The following NRXN1 variants were observed in gnomAD, a reference collection of about 807,000 sequenced individuals.
NRXN1 encodes neurexin-1.
A neutral mutation model predicts 150.9 loss-of-function variants in NRXN1; 39 were observed. That is an observed-to-expected ratio of 0.26 (90% CI 0.20 to 0.34). The LOEUF (loss-of-function observed/expected upper bound fraction) is 0.34. Among genes scored for constraint, NRXN1 ranks in the 10% least tolerant of loss-of-function variants. The pLI is 1.00. For synonymous variants in NRXN1, 924 were observed against 757.0 expected, an observed-to-expected ratio of 1.22 and a Z score of -3.62; for missense variants, 1,815 against 1,949.9, an observed-to-expected ratio of 0.93 and a Z score of 1.30.
chr2:49,967,696 C>T (rs1018387162), intron 21 of NRXN1, among the ~76,000 whole-genome samples: 1 of 152,006 alleles, frequency 6.6e-6, no homozygotes, highest in Non-Finnish European at 1.5e-5. Context: ...AGGCTGGAGT[C>T]AGTATTTATT....
chr2:50,524,794 T>C (rs1336110477), intron 12 of NRXN1, among the ~76,000 whole-genome samples: 1 of 152,066 alleles, frequency 6.6e-6, no homozygotes, highest in Non-Finnish European at 1.5e-5. Flanking sequence ...ATTTTTAAGG[T>C]TACCAGAAGA....
intron 5 of NRXN1, among the ~76,000 whole-genome samples, chr2:50,846,566 A>T (rs760848482): frequency 6.6e-6 from 1 of 152,206 alleles, no homozygotes; most frequent in Non-Finnish European, 1.5e-5. Flanking sequence ...CAATAAATAG[A>T]TCTTACACCA....
intron 2 of NRXN1, among the ~76,000 whole-genome samples, chr2:50,962,612 T>A (rs541691519): frequency 6.6e-6 from 1 of 151,676 alleles, no homozygotes; most frequent in Non-Finnish European, 1.5e-5. Flanking sequence ...TGGGATCTCA[T>A]TGTCTTATGT....
chr2:51,003,826 A>C (rs1399599002), intron 2 of NRXN1, among the ~76,000 whole-genome samples: 1 of 152,018 alleles, frequency 6.6e-6, no homozygotes, highest in Non-Finnish European at 1.5e-5. Context: ...TACAGAAATG[A>C]ATCACCACTA....
intron 18 of NRXN1, among the ~76,000 whole-genome samples, chr2:50,107,285 A>G (rs1359586579): frequency 6.7e-6 from 1 of 149,908 alleles, no homozygotes; most frequent in Non-Finnish European, 1.5e-5. Flanking sequence ...GACCCTTTTC[A>G]TGCTCTTGCT....
At chr2:50,992,639 C>G (rs1339721863) in intron 2 of NRXN1, among the ~76,000 whole-genome samples, 1 of 151,936 alleles carries the variant, frequency 6.6e-6, no homozygotes, top group African/African-American at 2.4e-5. Context: ...AATCAGGAAG[C>G]TGGTTTAATG....
intron 17 of NRXN1, among the ~76,000 whole-genome samples, chr2:50,385,173 T>C (rs1317691293): frequency 6.6e-6 from 1 of 152,188 alleles, no homozygotes; most frequent in Admixed American, 6.6e-5. Flanking sequence ...CCCCCAACTT[T>C]CCCATTTTAA....
intron 17 of NRXN1, among the ~76,000 whole-genome samples, chr2:50,237,360 G>A (rs1405492540): frequency 6.6e-6 from 1 of 152,016 alleles, no homozygotes. Context: ...ACTTGGTATT[G>A]AAATAGGAGC....
chr2:50,447,577 G>A, intron 17 of NRXN1, among the ~76,000 whole-genome samples: 1 of 139,188 alleles, frequency 7.2e-6, no homozygotes, highest in African/African-American at 2.7e-5. Flanking sequence ...TATTTCAAAA[G>A]ATAGCTCTGT....
At chr2:50,442,932 T>C (rs766151528) in intron 17 of NRXN1, among the ~76,000 whole-genome samples, 2 of 152,164 alleles carry the variant, frequency 1.3e-5, no homozygotes, top group Non-Finnish European at 2.9e-5. Flanking sequence ...TGAAAAATAT[T>C]TAATGAATTT....
chr2:50,908,034 G>A (rs1002480064), intron 5 of NRXN1, among the ~76,000 whole-genome samples: 2 of 152,050 alleles, frequency 1.3e-5, no homozygotes, highest in Admixed American at 6.6e-5. Flanking sequence ...TTTAACTATT[G>A]ATGAGACTTC....
At chr2:50,273,397 G>C (rs1243463744) in intron 17 of NRXN1, among the ~76,000 whole-genome samples, 2 of 152,038 alleles carry the variant, frequency 1.3e-5, no homozygotes, top group Non-Finnish European at 2.9e-5. Context: ...TCTTTTATTT[G>C]TCTATGTCTT....
intron 17 of NRXN1, among the ~76,000 whole-genome samples, chr2:50,368,893 C>A (rs912658297): frequency 6.6e-6 from 1 of 151,918 alleles, no homozygotes; most frequent in Non-Finnish European, 1.5e-5. Flanking sequence ...TTTTCCCCTG[C>A]CTAAGATCTT....
chr2:49,925,003 A>ATG (rs201682540), intron 22 of NRXN1, among the ~76,000 whole-genome samples: 3,011 of 152,258 alleles, frequency 0.02, 105 homozygotes, highest in African/African-American at 0.066. Context: ...AGAAATATTT[A>ATG]TGTGTTGGTC....
intron 21 of NRXN1, among the ~76,000 whole-genome samples, chr2:50,038,637 TC>T (rs1323122882): frequency 6.6e-6 from 1 of 152,170 alleles, no homozygotes; most frequent in Admixed American, 6.5e-5. Flanking sequence ...ATAACATGTT[TC>T]TTATTCATAG....
At chr2:50,563,826 G>A (rs1490618307) in intron 8 of NRXN1, among the ~76,000 whole-genome samples, 1 of 152,110 alleles carries the variant, frequency 6.6e-6, no homozygotes, top group East Asian at 1.9e-4. Context: ...TATCCAGTTG[G>A]TGGATTATCC....
intron 5 of NRXN1, among the ~76,000 whole-genome samples, chr2:50,889,737 C>A (rs1680779759): frequency 6.6e-6 from 1 of 151,530 alleles, no homozygotes; most frequent in South Asian, 2.1e-4. Flanking sequence ...GAATATCACA[C>A]TTTTAGTAAA....
chr2:49,942,979 T>C (rs1363795796), intron 22 of NRXN1, among the ~76,000 whole-genome samples: 1 of 152,196 alleles, frequency 6.6e-6, no homozygotes, highest in African/African-American at 2.4e-5. Flanking sequence ...CTAATGGAAA[T>C]GAGCCTAACA....
At chr2:50,666,824 T>C (rs1172584447) in intron 5 of NRXN1, among the ~76,000 whole-genome samples, 1 of 149,242 alleles carries the variant, frequency 6.7e-6, no homozygotes, top group African/African-American at 2.5e-5. Flanking sequence ...AGTTCCAAGT[T>C]CCAGAGCATA....
Sources: allele counts gnomAD v4.1 joint callset (sites outside exome capture counted in the v4.1 genomes callset), GRCh38; gene constraint gnomAD v4.1.1; transcripts MANE v1.5; gene names NCBI Gene and HGNC (gene_info 2026-07-23, HGNC 2026-07-21).